Variants in PRKCE observed in about 807,000 individuals in gnomAD.
The protein encoded by PRKCE is protein kinase C epsilon type.
In PRKCE, 16 loss-of-function variants were observed where a neutral mutation model predicts 85.4. The observed-to-expected ratio is 0.19, with a 90% CI of 0.13 to 0.28. The LOEUF is 0.28. Among genes scored for constraint, PRKCE ranks in the 10% least tolerant of loss-of-function variants. The pLI is 1.00. For missense variants in PRKCE, 573 were observed against 975.2 expected, an observed-to-expected ratio of 0.59 and a Z score of 5.49; for synonymous variants, 388 against 371.5, an observed-to-expected ratio of 1.04 and a Z score of -0.51.
intron 1 of PRKCE, among the ~76,000 whole-genome samples, chr2:45,822,609 A>G (rs1463711890): frequency 2.6e-5 from 4 of 152,174 alleles, no homozygotes; most frequent in Non-Finnish European, 4.4e-5. Context: ...GCTTTGTGCC[A>G]TGGGATTTGC....
At chr2:45,780,278 ACTCC>A (rs1369043270) in intron 1 of PRKCE, among the ~76,000 whole-genome samples, 2 of 151,058 alleles carry the variant, frequency 1.3e-5, no homozygotes, top group Non-Finnish European at 3.0e-5. Context: ...ATAGATTTCT[ACTCC>A]CTCCTTTTTC....
intron 1 of PRKCE, among the ~76,000 whole-genome samples, chr2:45,698,581 T>C (rs956153110): frequency 1.0e-4 from 15 of 149,334 alleles, no homozygotes; most frequent in Non-Finnish European, 2.1e-4. Flanking sequence ...AAAAAAAATA[T>C]ATGAAGGAAG....
intron 1 of PRKCE, among the ~76,000 whole-genome samples, chr2:45,716,348 G>C (rs991381431): frequency 1.3e-5 from 2 of 151,988 alleles, no homozygotes; most frequent in Non-Finnish European, 2.9e-5. Flanking sequence ...GAAACCCTGT[G>C]TCTACCAAAA....
At chr2:46,108,996 AC>A (rs1218375789) in intron 11 of PRKCE, among the ~76,000 whole-genome samples, 8 of 150,954 alleles carry the variant, frequency 5.3e-5, no homozygotes, top group Non-Finnish European at 1.0e-4. Context: ...CATTGTCAAA[AC>A]TCAGTTGGCT....
At chr2:45,973,575 C>T (rs889166277) in intron 2 of PRKCE, among the ~76,000 whole-genome samples, 1 of 152,188 alleles carries the variant, frequency 6.6e-6, no homozygotes, top group African/African-American at 2.4e-5. Flanking sequence ...CAGGAGTTAT[C>T]CTTGGCTGTC....
chr2:45,843,145 G>T, intron 2 of PRKCE, 82 bp downstream of exon 2: 1 of 1,230,380 alleles, frequency 8.1e-7, no homozygotes, highest in Non-Finnish European at 1.2e-6. Flanking sequence ...CCCTTGGCCG[G>T]AACACATTAT....
Position 46,068,296 on chromosome 2 carries a change from A to C in PRKCE, c.1438-17912A>C, listed in dbSNP as rs1667795644. On this transcript the variant is annotated intron_variant, in intron 10 of 14. Coordinates refer to ENST00000306156, the MANE Select transcript of PRKCE (RefSeq NM_005400.3). This position sits in a 1 kb window ranked among gnomAD's most constrained non-coding sequence, Gnocchi z 4.3. Reference sequence around the variant, plus strand: ...AGTAAAGGATTCAGAAAGAGACTTCAGGAGCTGCCCTGGGAAACAAGACAA... The same window carrying C: ...AGTAAAGGATTCAGAAAGAGACTTCCGGAGCTGCCCTGGGAAACAAGACAA... Among the ~76,000 whole-genome samples the C allele has an allele frequency of 6.6e-6, 1 of 152,238 alleles. No homozygotes were observed. Among genetic ancestry groups the C allele is most frequent in the East Asian group, 1.9e-4 (1 of 5,206 alleles).
At chr2:45,716,425 G>A (rs1284157437) in intron 1 of PRKCE, among the ~76,000 whole-genome samples, 4 of 152,056 alleles carry the variant, frequency 2.6e-5, no homozygotes, top group African/African-American at 4.8e-5. Context: ...GCTGAGGCAC[G>A]AGAATCACTT....
At chr2:46,010,072 G>T (rs1341736259) in intron 9 of PRKCE, among the ~76,000 whole-genome samples, 3 of 152,208 alleles carry the variant, frequency 2.0e-5, no homozygotes, top group African/African-American at 7.2e-5. Context: ...GGTAGTAATT[G>T]TAGAATAGGA....
rs61763801 is a variant in PRKCE, at chr2:45,977,431, G to A, written c.572+843G>A. ...GCACGCAGATTGCTTGAGGTCAGGAGTTTGAAACCAGCCTGGTCAACATGG... is the reference window on the plus strand; with the variant it reads ...GCACGCAGATTGCTTGAGGTCAGGAATTTGAAACCAGCCTGGTCAACATGG... On this transcript the variant is annotated intron_variant, in intron 3 of 14. Transcript: ENST00000306156. 2.1e-3 allele frequency among the ~76,000 whole-genome samples: 315 copies of A among 152,084 alleles called. 2 individuals are homozygous for A. Among genetic ancestry groups the A allele is most frequent in the African/African-American group, 7.2e-3 (299 of 41,500 alleles).
intron 11 of PRKCE, among the ~76,000 whole-genome samples, chr2:46,143,568 C>A (rs1466655725): frequency 2.0e-5 from 3 of 152,124 alleles, no homozygotes; most frequent in Non-Finnish European, 2.9e-5. Context: ...GGTCACAGAC[C>A]AGCAAGGTGA....
At chr2:45,918,471 A>G (rs747032) in intron 2 of PRKCE, among the ~76,000 whole-genome samples, 37,925 of 152,190 alleles carry the variant, frequency 0.25, 5,779 homozygotes, top group South Asian at 0.37. Context: ...CCTCTATTCA[A>G]CTAGCATTTT....
intron 6 of PRKCE, among the ~76,000 whole-genome samples, chr2:45,985,545 T>C (rs1703249411): frequency 1.3e-5 from 2 of 151,966 alleles, no homozygotes; most frequent in Non-Finnish European, 1.5e-5. Flanking sequence ...TGTAGAAAAA[T>C]TAGAAGAATA....
intron 1 of PRKCE, among the ~76,000 whole-genome samples, chr2:45,801,560 C>T (rs1322088987): frequency 1.3e-5 from 2 of 152,020 alleles, no homozygotes; most frequent in South Asian, 2.1e-4. Context: ...GTTTCCAGCT[C>T]AGGTGATATG....
At chr2:45,957,670 G>A (rs1019234633) in intron 2 of PRKCE, among the ~76,000 whole-genome samples, 4 of 151,900 alleles carry the variant, frequency 2.6e-5, no homozygotes, top group South Asian at 2.1e-4. Flanking sequence ...AAGCACTTTC[G>A]GAGGCCAAGG....
At chr2:45,796,494 T>C (rs1225515430) in intron 1 of PRKCE, among the ~76,000 whole-genome samples, 2 of 152,220 alleles carry the variant, frequency 1.3e-5, no homozygotes, top group African/African-American at 4.8e-5. Flanking sequence ...TATGATGATT[T>C]CACTGAAATT....
At chr2:45,874,218 G>T (rs1330208477) in intron 2 of PRKCE, among the ~76,000 whole-genome samples, 1 of 152,204 alleles carries the variant, frequency 6.6e-6, no homozygotes, top group African/African-American at 2.4e-5. Context: ...GCCTATGTGG[G>T]AGTCCCTTTT....
chr2:45,945,412 A>T, intron 2 of PRKCE, among the ~76,000 whole-genome samples: 1 of 151,100 alleles, frequency 6.6e-6, no homozygotes, highest in East Asian at 1.9e-4. Flanking sequence ...TCTCATGTGA[A>T]CTCAGAGTAA....
At chr2:45,875,078 G>C (rs189903638) in intron 2 of PRKCE, among the ~76,000 whole-genome samples, 1 of 152,228 alleles carries the variant, frequency 6.6e-6, no homozygotes. Context: ...GGTGCCTCCA[G>C]TCTCCACAGG....
Sources: gnomAD v4.1 joint callset for allele counts (sites outside exome capture counted in the v4.1 genomes callset) on GRCh38, gnomAD v4.1.1 for gene constraint, Gnocchi (gnomAD v3.1) non-coding constraint, MANE v1.5 for transcripts, NCBI Gene and HGNC (gene_info 2026-07-23, HGNC 2026-07-21) for gene names.